XPO6: variants seen among roughly 807,000 people sequenced by gnomAD.
XPO6 encodes the protein exportin 6.
In XPO6, 3 loss-of-function variants were observed where a neutral mutation model predicts 130.0. That is an observed-to-expected ratio of 0.02 (90% CI 0.01 to 0.06). XPO6 has a LOEUF of 0.06. XPO6 is among the 10% of genes least tolerant of loss of function. The pLI, the probability that XPO6 is intolerant of heterozygous loss-of-function variation, is 1.00. For synonymous variants in XPO6, 524 were observed against 548.9 expected (o/e 0.95, Z 0.63); for missense variants, 970 against 1,393.0 (o/e 0.70, Z 4.83).
intron 1 of XPO6, among the ~76,000 whole-genome samples, chr16:28,195,724 T>C (rs1243715879): frequency 6.6e-6 from 1 of 152,050 alleles, no homozygotes; most frequent in African/African-American, 2.4e-5. Flanking sequence ...CTGCACTCCA[T>C]CCTGGGTGAC....
At chr16:28,187,936 A>G (rs1219727055) in intron 1 of XPO6, among the ~76,000 whole-genome samples, 1 of 152,004 alleles carries the variant, frequency 6.6e-6, no homozygotes, top group Admixed American at 6.6e-5. Flanking sequence ...GACTGCTAAC[A>G]CTGAGACTGA....
intron 9 of XPO6, among the ~76,000 whole-genome samples, chr16:28,143,148 G>C (rs530676005): frequency 6.6e-6 from 1 of 152,354 alleles, no homozygotes; most frequent in South Asian, 2.1e-4. Flanking sequence ...ACTGTTTCAA[G>C]TGGTCAGCCA....
intron 5 of XPO6, among the ~76,000 whole-genome samples, chr16:28,167,432 C>T (rs2043374477): frequency 6.6e-6 from 1 of 152,184 alleles, no homozygotes; most frequent in Non-Finnish European, 1.5e-5. Flanking sequence ...CCTTGCTATG[C>T]TCAACTGTCT....
At chr16:28,176,838 G>A (rs1479092877) in intron 3 of XPO6, among the ~76,000 whole-genome samples, 2 of 152,072 alleles carry the variant, frequency 1.3e-5, no homozygotes, top group African/African-American at 4.8e-5. Flanking sequence ...GGGGGGCACA[G>A]AAGACAAGGA....
At chr16:28,188,037 G>A (rs1256989914) in intron 1 of XPO6, among the ~76,000 whole-genome samples, 1 of 152,024 alleles carries the variant, frequency 6.6e-6, no homozygotes, top group Admixed American at 6.5e-5. Flanking sequence ...GTTACCTAAT[G>A]GCCTCTAAAA....
intron 9 of XPO6, among the ~76,000 whole-genome samples, chr16:28,141,776 C>T (rs1374687391): frequency 7.9e-5 from 12 of 152,240 alleles, no homozygotes; most frequent in East Asian, 7.7e-4. Context: ...CTGGCTAACA[C>T]GGTGAAACCC....
At chr16:28,137,383 T>C (rs535085163) in intron 9 of XPO6, among the ~76,000 whole-genome samples, 1 of 152,350 alleles carries the variant, frequency 6.6e-6, no homozygotes, top group Non-Finnish European at 1.5e-5. Flanking sequence ...ACCTATTTAA[T>C]CAATTTCCTA....
intron 1 of XPO6, among the ~76,000 whole-genome samples, chr16:28,188,510 G>C (rs1042623591): frequency 6.6e-6 from 1 of 151,998 alleles, no homozygotes; most frequent in African/African-American, 2.4e-5. Flanking sequence ...TGCTGCCAAC[G>C]AAGGTTAAAA....
intron 8 of XPO6, 138 bp from the exon 9 acceptor site, chr16:28,146,341 T>A (rs1483515973): frequency 2.9e-6 from 2 of 696,602 alleles, no homozygotes; most frequent in African/African-American, 1.8e-5. Flanking sequence ...TAACCAAAAC[T>A]GGTGGCTTTT....
At chr16:28,175,568 G>C (rs551516160) in intron 4 of XPO6, among the ~76,000 whole-genome samples, 2 of 152,216 alleles carry the variant, frequency 1.3e-5, no homozygotes, top group Admixed American at 1.3e-4. Flanking sequence ...TGTTTGCACA[G>C]CTATTTCCCC....
chr16:28,148,733 C>A (rs1223847405), intron 8 of XPO6, among the ~76,000 whole-genome samples: 3 of 152,206 alleles, frequency 2.0e-5, no homozygotes, highest in African/African-American at 7.2e-5. Context: ...AATTAAGGAA[C>A]AAAATCAGAA....
rs933368559 is a variant in XPO6, at chr16:28,152,973, T to C, written c.1098-188A>G. The C allele has an allele frequency of 2.0e-5, 25 of 1,262,316 alleles. No individual in the cohort carries two copies. In the East Asian group the frequency reaches 3.2e-4, roughly 16 times the overall value. The allele number at this position is 1,262,316 out of a possible 1,614,324, so 78.2% of individuals were successfully genotyped here. A position where few individuals can be genotyped will look rare whatever the true frequency, so the allele number is the denominator to read the frequency against. The stretch of plus-strand genomic sequence containing the variant: ...TTCATTCCATTAACCACCTGAAACA[T>C]AGCAGAAAAGCAACTTTAATCCTCA... On this transcript the variant is annotated intron_variant, in intron 7 of 23. Coordinates refer to ENST00000304658, the MANE Select transcript of XPO6 (RefSeq NM_015171.4).
At chr16:28,143,997 G>A (rs1398347122) in intron 9 of XPO6, among the ~76,000 whole-genome samples, 1 of 152,114 alleles carries the variant, frequency 6.6e-6, no homozygotes, top group Non-Finnish European at 1.5e-5. Flanking sequence ...CTCACAACAA[G>A]CTTGAGAGAT....
intron 1 of XPO6, among the ~76,000 whole-genome samples, chr16:28,206,862 T>G (rs1482953298): frequency 1.3e-5 from 2 of 152,150 alleles, no homozygotes. Flanking sequence ...TGCAATGCTG[T>G]GGATGAACAA....
chr16:28,113,295 T>C (rs931758950), intron 15 of XPO6, among the ~76,000 whole-genome samples: 1 of 152,172 alleles, frequency 6.6e-6, no homozygotes, highest in African/African-American at 2.4e-5. Context: ...ACCAGCAGCC[T>C]TGAACTCAGG....
chr16:28,153,744 C>T lies in XPO6; in HGVS notation c.1098-959G>A, dbSNP rs1488768965. 3 of 985,268 alleles carry T rather than the reference C, an allele frequency of 3.0e-6. No individual in the cohort carries two copies. The African/African-American group carries it at 5.2e-5, about 17-fold the overall frequency. The allele number at this position is 985,268 out of a possible 1,614,324, so 61.0% of individuals were successfully genotyped here. ...CACAAAAAGGTAAAGACATACTAGG[C>T]CTTAGCTGAAAATGAAATAATGGCT... On this transcript the variant is annotated intron_variant, in intron 7 of 23. Coordinates refer to ENST00000304658, the MANE Select transcript of XPO6 (RefSeq NM_015171.4).
At chr16:28,145,355 T>G (rs1309411716) in intron 9 of XPO6, among the ~76,000 whole-genome samples, 3 of 151,996 alleles carry the variant, frequency 2.0e-5, no homozygotes, top group African/African-American at 7.3e-5. Flanking sequence ...CACCTTCCCC[T>G]CCTCTTCTCC....
At chr16:28,204,330 C>G (rs1422089154) in intron 1 of XPO6, among the ~76,000 whole-genome samples, 1 of 151,888 alleles carries the variant, frequency 6.6e-6, no homozygotes, top group African/African-American at 2.4e-5. Context: ...AGTGGCATTA[C>G]CATTTTAAAC....
intron 1 of XPO6, among the ~76,000 whole-genome samples, chr16:28,189,468 G>A (rs1289971613): frequency 6.6e-6 from 1 of 152,080 alleles, no homozygotes; most frequent in South Asian, 2.1e-4. Context: ...CCACACCCAT[G>A]TGAGTTCCTT....
Sources: gnomAD v4.1 joint callset for allele counts (sites outside exome capture counted in the v4.1 genomes callset) on GRCh38, gnomAD v4.1.1 for gene constraint, MANE v1.5 for transcripts, NCBI Gene and HGNC (gene_info 2026-07-23, HGNC 2026-07-21) for gene names.